Variants in COPE observed in about 807,000 individuals in gnomAD.
The protein encoded by COPE is coat protein complex I subunit epsilon.
A neutral mutation model predicts 42.1 loss-of-function variants in COPE; 19 were observed. The ratio of observed to expected loss-of-function variants is 0.45; its 90% CI spans 0.31 to 0.66. COPE has a LOEUF of 0.66. Among genes scored for constraint, COPE ranks in the 30% least tolerant of loss-of-function variants. COPE has a pLI of 0.05. For synonymous variants in COPE, 195 were observed against 181.3 expected (o/e 1.08, Z -0.60); for missense variants, 402 against 416.1 (o/e 0.97, Z 0.30).
At chr19:18,900,085 C>T (rs899420078) in intron 8 of COPE, 138 bp from the exon 9 acceptor site, 2 of 697,118 alleles carry the variant, frequency 2.9e-6, no homozygotes, top group East Asian at 5.6e-5. Flanking sequence ...CTGGGCTGAT[C>T]TCGGAGAACC....
intron 1 of COPE, among the ~76,000 whole-genome samples, chr19:18,915,348 C>T (rs1000872946): frequency 3.9e-5 from 6 of 152,198 alleles, no homozygotes; most frequent in African/African-American, 1.2e-4. Context: ...ACTGTGCGTG[C>T]GGAAGTGCTC....
intron 7 of COPE, among the ~76,000 whole-genome samples, chr19:18,902,789 G>GAAGGAAGGAAGGAAAGAAAGAAAGAAAGA (rs2056719026): frequency 3.5e-5 from 1 of 28,354 alleles, no homozygotes; most frequent in Non-Finnish European, 6.9e-5. Flanking sequence ...AGGAAGGAAG[G>GAAGGAAGGAAGGAAAGAAAGAAAGAAAGA]AAGGAAGGAA....
At chr19:18,917,233 CTTTTTTTCTT>C (rs1568324249) in intron 1 of COPE, among the ~76,000 whole-genome samples, 6 of 108,930 alleles carry the variant, frequency 5.5e-5, no homozygotes, top group Non-Finnish European at 1.2e-4. Flanking sequence ...TAGAAACATT[CTTTTTTTCTT>C]TTTTTTTTTT....
intron 1 of COPE, among the ~76,000 whole-genome samples, chr19:18,915,373 G>C (rs2056845702): frequency 6.6e-6 from 1 of 152,258 alleles, no homozygotes; most frequent in South Asian, 2.1e-4. Flanking sequence ...GCTGCAGAGT[G>C]CACTGGAGAG....
In COPE at chr19:18,916,944, C is replaced by CA. The variant is rs34497308; in HGVS notation, c.126+2278dup. ...GGTGACACAGAGTGAGATCCTGTCT[C>CA]AAAAAAAAAAAAAAAAAAAAAAAAA... On this transcript the variant is annotated intron_variant, in intron 1 of 9. Transcript: ENST00000262812. Among the ~76,000 whole-genome samples, 669 of 68,464 alleles carry CA rather than the reference C, an allele frequency of 9.8e-3. 18 individuals are homozygous for CA. Among genetic ancestry groups the CA allele is most frequent in the East Asian group, 0.04 (81 of 2,032 alleles). The allele number at this position is 68,464 out of a possible 152,430, so 44.9% of individuals were successfully genotyped here.
rs1322515836 is a variant in COPE at position 18,899,683 on chromosome 19, G to A, written c.923C>T (p.Ala308Val). The A allele has an allele frequency of 2.5e-6, 4 of 1,613,504 alleles. No homozygotes were observed. Among genetic ancestry groups the A allele is most frequent in the Non-Finnish European group, 3.4e-6 (4 of 1,179,970 alleles). Reference protein sequence around the residue: ...DRLVLQYAPSA With the variant: ...DRLVLQYAPSV ...CCTGACAGCTCTGGGCCAGCCTCAG[G>A]CGCTGGGAGCGTACTGTAGCACCAG... The change falls in exon 10 of 10, where the codon GCC becomes GTC. Residue 308 changes from alanine to valine, a missense_variant. Ala to Val is a moderately conservative substitution (Grantham distance 64). Coordinates refer to ENST00000262812, the MANE Select transcript of COPE (RefSeq NM_007263.4).
intron 1 of COPE, among the ~76,000 whole-genome samples, chr19:18,914,846 G>A (rs181915645): frequency 2.1e-5 from 3 of 143,228 alleles, no homozygotes; most frequent in African/African-American, 7.8e-5. Context: ...AACCTCTGCC[G>A]CCTGGGTTCA....
rs1478761173 is a variant in COPE at position 18,919,353 on chromosome 19, C to T, written c.-5G>A. 8 of 1,613,442 alleles carry T rather than the reference C, an allele frequency of 5.0e-6. No individual in the cohort carries two copies. The highest frequency in any genetic ancestry group is 5.9e-6 in the Non-Finnish European group (7 of 1,179,918). The stretch of plus-strand genomic sequence containing the variant: ...GCCGGGGGCCGGAGGCGCCATTTCG[C>T]TGTCTTCTCACCAGCTCCTCTTCCT... On this transcript the variant is annotated 5_prime_UTR_variant, in exon 1 of 10. Coordinates refer to ENST00000262812, the MANE Select transcript of COPE (RefSeq NM_007263.4).
intron 5 of COPE, 139 bp from the exon 6 acceptor site, chr19:18,904,991 G>A (rs1188567800): frequency 8.2e-6 from 7 of 848,630 alleles, no homozygotes; most frequent in Admixed American, 4.6e-5. Flanking sequence ...CATACCCCAC[G>A]ACTAAGTGCC....
intron 1 of COPE, among the ~76,000 whole-genome samples, chr19:18,915,345 G>A (rs189106078): frequency 3.9e-5 from 6 of 152,348 alleles, no homozygotes; most frequent in South Asian, 2.1e-4. Flanking sequence ...GAGACTGTGC[G>A]TGCGGAAGTG....
In COPE at chr19:18,899,656, G is replaced by A. The variant is rs1288588515; in HGVS notation, c.*23C>T. Reference sequence around the variant, plus strand: ...TCCTGGCCTCTGTCCTGGCTTCATGGTCCTGACAGCTCTGGGCCAGCCTCA... The same window carrying A: ...TCCTGGCCTCTGTCCTGGCTTCATGATCCTGACAGCTCTGGGCCAGCCTCA... On this transcript the variant is annotated 3_prime_UTR_variant, in exon 10 of 10. Transcript: ENST00000262812. 1.9e-6 allele frequency: 3 copies of A among 1,613,074 alleles called. No individual in the cohort carries two copies. The Admixed American group carries it at 5.0e-5, about 27-fold the overall frequency.
At chr19:18,908,209 G>A (rs1231755961) in intron 3 of COPE, among the ~76,000 whole-genome samples, 4 of 152,128 alleles carry the variant, frequency 2.6e-5, no homozygotes, top group African/African-American at 9.7e-5. Context: ...AGGCAGGATC[G>A]CTTAAGCCCA....
chr19:18,904,937 C>T (rs1053636250), intron 5 of COPE, 85 bp from the exon 6 acceptor site: 37 of 1,372,976 alleles, frequency 2.7e-5, no homozygotes, highest in Middle Eastern at 1.8e-4. Flanking sequence ...TTGGGGCCCA[C>T]CGGAGCCTGG....
In COPE at chr19:18,899,609, T is replaced by G. The variant is rs1601203276; in HGVS notation, c.*70A>C. 1 of 1,556,190 alleles carries G rather than the reference T, an allele frequency of 6.4e-7. No homozygotes were observed. The highest frequency in any genetic ancestry group is 8.8e-7 in the Non-Finnish European group (1 of 1,130,456). On this transcript the variant is annotated 3_prime_UTR_variant, in exon 10 of 10. Transcript: ENST00000262812. ...AGAGGGGATGCAGGTGGATGCCGGG[T>G]GGGGAGGGCTGCAGGGCTGGCTCCT...
chr19:18,918,496 T>G (rs1330231165), intron 1 of COPE, among the ~76,000 whole-genome samples: 1 of 152,136 alleles, frequency 6.6e-6, no homozygotes, highest in Non-Finnish European at 1.5e-5. Context: ...TGGAGTGCAG[T>G]GGCGCGATCT....
At chr19:18,917,233 C>CTTTT (rs1224483756) in intron 1 of COPE, among the ~76,000 whole-genome samples, 1 of 108,918 alleles carries the variant, frequency 9.2e-6, no homozygotes, top group African/African-American at 3.1e-5. Context: ...TAGAAACATT[C>CTTTT]TTTTTTTCTT....
At chr19:18,912,738 CA>C (rs10716350) in intron 2 of COPE, among the ~76,000 whole-genome samples, 67,785 of 113,012 alleles carry the variant, frequency 0.6, 18,659 homozygotes, top group African/African-American at 0.75. Context: ...GACTCCGTCT[CA>C]AAAAAAAAAA....
At chr19:18,909,998 G>A (rs1227002014) in intron 3 of COPE, among the ~76,000 whole-genome samples, 1 of 152,202 alleles carries the variant, frequency 6.6e-6, no homozygotes, top group Non-Finnish European at 1.5e-5. Context: ...ACCCCACCAT[G>A]CTGCCTCTGC....
intron 5 of COPE, 102 bp from the exon 6 acceptor site, chr19:18,904,954 C>A: frequency 1.7e-6 from 2 of 1,200,062 alleles, no homozygotes; most frequent in Non-Finnish European, 2.4e-6. Flanking sequence ...CTGGGGATGG[C>A]CCCTGCTTTG....
Sources: allele counts gnomAD v4.1 joint callset (sites outside exome capture counted in the v4.1 genomes callset), GRCh38; gene constraint gnomAD v4.1.1; transcripts MANE v1.5; gene names NCBI Gene and HGNC (gene_info 2026-07-23, HGNC 2026-07-21).